FGD4: variants seen among roughly 807,000 people sequenced by gnomAD.
FGD4 encodes the protein FYVE, RhoGEF and PH domain containing 4, also known as FYVE, RhoGEF and PH domain-containing protein 4.
In FGD4, 42 loss-of-function variants were observed where a neutral mutation model predicts 102.0. That is an observed-to-expected ratio of 0.41 (90% CI 0.32 to 0.53). FGD4 has a LOEUF of 0.53. Among genes scored for constraint, FGD4 ranks in the 20% least tolerant of loss-of-function variants. FGD4 has a pLI of 0.21. For synonymous variants in FGD4, 380 were observed against 375.7 expected (o/e 1.01, Z -0.13); for missense variants, 902 against 1,078.2 (o/e 0.84, Z 2.29).
At chr12:32,626,281 C>G (rs961193116) in intron 14 of FGD4, among the ~76,000 whole-genome samples, 2 of 152,020 alleles carry the variant, frequency 1.3e-5, no homozygotes, top group African/African-American at 4.8e-5. Flanking sequence ...CCCGTCTTTA[C>G]TAAAAATACA....
intron 1 of FGD4, among the ~76,000 whole-genome samples, chr12:32,479,852 A>T (rs1233283082): frequency 1.4e-5 from 2 of 140,112 alleles, no homozygotes; most frequent in African/African-American, 5.4e-5. Flanking sequence ...TCAGTGGCGC[A>T]ATCTCGGCTC....
At chr12:32,541,058 T>C (rs1942784919) in intron 1 of FGD4, among the ~76,000 whole-genome samples, 3 of 152,226 alleles carry the variant, frequency 2.0e-5, no homozygotes. Flanking sequence ...AATGCAGTTT[T>C]AAAATTCAGA....
At chr12:32,477,585 G>A (rs1566513) in intron 1 of FGD4, 16,815 of 152,194 alleles carry the variant, frequency 0.11, 1,011 homozygotes, top group Middle Eastern at 0.29. Context: ...GTTTGTGTGT[G>A]ACAGGAAAGT....
intron 15 of FGD4, among the ~76,000 whole-genome samples, chr12:32,635,790 G>A (rs142946804): frequency 0.035 from 5,308 of 151,948 alleles, 136 homozygotes; most frequent in South Asian, 0.055. Flanking sequence ...TGAGGCGGGC[G>A]GATCACAAGG....
At chr12:32,453,440 G>C (rs1347435827) in intron 1 of FGD4, among the ~76,000 whole-genome samples, 1 of 151,378 alleles carries the variant, frequency 6.6e-6, no homozygotes, top group Non-Finnish European at 1.5e-5. Context: ...TGCCATGTTG[G>C]CCAGACTGGT....
In FGD4 at chr12:32,597,573, G is replaced by A. The variant is rs908789512; in HGVS notation, c.1012-924G>A. ...TTGCTACTCATTCATTCATTTGTTC[G>A]GCAATATTGTATTGAATACCAGTGT... is the stretch of plus-strand genomic sequence containing the variant. On this transcript the variant is annotated intron_variant, in intron 4 of 16. Transcript: ENST00000534526. Among the ~76,000 whole-genome samples, 15 of 152,080 alleles carry A rather than the reference G, an allele frequency of 9.9e-5. 1 individual carries two copies. The highest frequency in any genetic ancestry group is 1.6e-4 in the Non-Finnish European group (11 of 68,030).
At chr12:32,482,118 A>T (rs11052025) in intron 1 of FGD4, among the ~76,000 whole-genome samples, 20,768 of 152,082 alleles carry the variant, frequency 0.14, 3,017 homozygotes, top group African/African-American at 0.36. Context: ...AGCATTTTTT[A>T]AAAAAGTGCC....
intron 1 of FGD4, among the ~76,000 whole-genome samples, chr12:32,519,872 A>AG (rs1940319432): frequency 3.3e-5 from 5 of 152,312 alleles, no homozygotes; most frequent in Admixed American, 3.3e-4. Flanking sequence ...ACTTGAACCC[A>AG]GGAGGCAGAG....
At position 32,560,907 on chromosome 12, in the gene FGD4, G is replaced by T. The variant is rs536829769; in HGVS notation, c.167-3230G>T. Among the ~76,000 whole-genome samples, 3 of 151,950 alleles carry T rather than the reference G, an allele frequency of 2.0e-5. No individual in the cohort carries two copies. In the South Asian group the frequency reaches 6.2e-4, roughly 32 times the overall value. On this transcript the variant is annotated intron_variant, in intron 1 of 16. Coordinates refer to ENST00000534526, the MANE Select transcript of FGD4 (RefSeq NM_001370298.3). ...GCAGGGTCTTATGTTGCCCAGGCTGGTCTCAAATTCCTAGCGTCATTTAAT... is the reference window on the plus strand; with the variant it reads ...GCAGGGTCTTATGTTGCCCAGGCTGTTCTCAAATTCCTAGCGTCATTTAAT...
Position 32,486,147 on chromosome 12 carries a change from AGTATT to A in FGD4, c.167-77987_167-77983del, listed in dbSNP as rs1179708399. 3.0e-5 allele frequency: 46 copies of A among 1,527,430 alleles called. 1 individual carries two copies. The highest frequency in any genetic ancestry group is 4.0e-5 in the Non-Finnish European group (46 of 1,143,622). The allele number at this position is 1,527,430 out of a possible 1,614,324, so 94.6% of individuals were successfully genotyped here. A position where few individuals can be genotyped will look rare whatever the true frequency, so the allele number is the denominator to read the frequency against. On this transcript the variant is annotated intron_variant, in intron 1 of 16. Transcript: ENST00000534526. ...AAAGAATCTTTTATGGGGGGCTGTG[AGTATT>A]GTTTTGCAATTGCCATTTCTGAAAT...
At chr12:32,563,672 C>T (rs1046575044) in intron 1 of FGD4, among the ~76,000 whole-genome samples, 101 of 152,204 alleles carry the variant, frequency 6.6e-4, no homozygotes, top group African/African-American at 2.4e-3. Flanking sequence ...GAGGTTGTAG[C>T]GAGCCGCGAT....
intron 14 of FGD4, among the ~76,000 whole-genome samples, chr12:32,626,152 A>AT (rs1349469696): frequency 6.6e-6 from 1 of 152,216 alleles, no homozygotes; most frequent in Admixed American, 6.5e-5. Flanking sequence ...TGCTTAAAAG[A>AT]TTGAGAAAGG....
Position 32,561,070 on chromosome 12 carries a change from GTTTTGTTTTTTTTTT to G in FGD4, c.167-3062_167-3048del, listed in dbSNP as rs1282305658. ...AGCAGAAATGTGGTTTCTTTGTTGG[GTTTTGTTTTTTTTTT>G]TTTTTTTTTTTTTTTTGAGATGGAG... On this transcript the variant is annotated intron_variant, in intron 1 of 16. Coordinates refer to ENST00000534526, the MANE Select transcript of FGD4 (RefSeq NM_001370298.3). Among the ~76,000 whole-genome samples, 24 of 90,816 alleles carry G rather than the reference GTTTTGTTTTTTTTTT, an allele frequency of 2.6e-4. 1 individual carries two copies. The South Asian group carries it at 4.9e-3, about 19-fold the overall frequency. The allele number at this position is 90,816 out of a possible 152,430, so 59.6% of individuals were successfully genotyped here. A position where few individuals can be genotyped will look rare whatever the true frequency, so the allele number is the denominator to read the frequency against.
At chr12:32,546,922 A>T (rs950692832) in intron 1 of FGD4, among the ~76,000 whole-genome samples, 2 of 152,210 alleles carry the variant, frequency 1.3e-5, no homozygotes, top group Non-Finnish European at 2.9e-5. Flanking sequence ...GAGTTATCCT[A>T]AATCAAGACT....
intron 1 of FGD4, among the ~76,000 whole-genome samples, chr12:32,528,664 T>A (rs2136811954): frequency 6.6e-6 from 1 of 152,368 alleles, no homozygotes; most frequent in South Asian, 2.1e-4. Context: ...GTGCTGAGAT[T>A]ACAAGTGTGT....
At chr12:32,612,880 C>G (rs547080692) in intron 10 of FGD4, among the ~76,000 whole-genome samples, 1 of 152,250 alleles carries the variant, frequency 6.6e-6, no homozygotes, top group African/African-American at 2.4e-5. Context: ...GGGCTTATCT[C>G]AAATATAAGA....
At chr12:32,460,037 C>A (rs761606061) in intron 1 of FGD4, among the ~76,000 whole-genome samples, 1 of 152,030 alleles carries the variant, frequency 6.6e-6, no homozygotes, top group Admixed American at 6.6e-5. Flanking sequence ...GGAGACGAGG[C>A]CTTTACAGTC....
At chr12:32,571,335 A>T (rs768347540) in intron 2 of FGD4, among the ~76,000 whole-genome samples, 1 of 152,024 alleles carries the variant, frequency 6.6e-6, no homozygotes, top group African/African-American at 2.4e-5. Flanking sequence ...GGTTCCTGTA[A>T]TCCCAGCTAC....
intron 1 of FGD4, among the ~76,000 whole-genome samples, chr12:32,553,137 C>G (rs1041517398): frequency 6.6e-6 from 1 of 151,934 alleles, no homozygotes; most frequent in African/African-American, 2.4e-5. Context: ...CACATGTCCT[C>G]TAACAACAAA....
Sources: gnomAD v4.1 joint callset for allele counts (sites outside exome capture counted in the v4.1 genomes callset) on GRCh38, gnomAD v4.1.1 for gene constraint, MANE v1.5 for transcripts, NCBI Gene and HGNC (gene_info 2026-07-23, HGNC 2026-07-21) for gene names.